Variants in RBFOX1 observed in about 807,000 individuals in gnomAD.
RBFOX1 encodes RNA binding fox-1 homolog 1, also known as RNA binding protein fox-1 homolog 1.
A neutral mutation model predicts 57.7 loss-of-function variants in RBFOX1; 8 were observed. That is an observed-to-expected ratio of 0.14 (90% CI 0.08 to 0.25). RBFOX1 has a LOEUF of 0.25. RBFOX1 is among the 10% of genes least tolerant of loss of function. The pLI is 1.00. For missense variants in RBFOX1, 611 were observed against 548.5 expected, an observed-to-expected ratio of 1.11 and a Z score of -1.14; for synonymous variants, 326 against 222.4, an observed-to-expected ratio of 1.47 and a Z score of -4.15.
chr16:5,807,838 C>T (rs1207698317), intron 3 of RBFOX1, among the ~76,000 whole-genome samples: 1 of 152,140 alleles, frequency 6.6e-6, no homozygotes, highest in African/African-American at 2.4e-5. Flanking sequence ...CAGGTGATGC[C>T]CACGCTGCTG....
chr16:6,292,077 TA>T (rs527944546), intron 1 of RBFOX1, among the ~76,000 whole-genome samples: 6 of 152,220 alleles, frequency 3.9e-5, no homozygotes, highest in African/African-American at 1.4e-4. Flanking sequence ...ACTTTGACTT[TA>T]AACAAGAGAA....
At chr16:6,126,842 C>T (rs2096593127) in intron 1 of RBFOX1, among the ~76,000 whole-genome samples, 2 of 152,074 alleles carry the variant, frequency 1.3e-5, no homozygotes, top group African/African-American at 4.8e-5. Flanking sequence ...AAACAATGGT[C>T]CTGCCTTCAT....
At chr16:7,028,516 G>A (rs944181172) in intron 3 of RBFOX1, among the ~76,000 whole-genome samples, 3 of 149,024 alleles carry the variant, frequency 2.0e-5, no homozygotes, top group African/African-American at 7.5e-5. Flanking sequence ...GAACCCGGGA[G>A]GCGGAGGTTG....
At chr16:5,372,342 C>T (rs1167962939) in intron 1 of RBFOX1, among the ~76,000 whole-genome samples, 10 of 152,122 alleles carry the variant, frequency 6.6e-5, no homozygotes, top group Admixed American at 4.6e-4. Flanking sequence ...TCTTTCTCCC[C>T]CAATAAAGAT....
At chr16:5,423,191 G>T (rs2151490902) in intron 1 of RBFOX1, among the ~76,000 whole-genome samples, 1 of 152,098 alleles carries the variant, frequency 6.6e-6, no homozygotes, top group South Asian at 2.1e-4. Context: ...AGTAAATAGA[G>T]TCCCATGAAT....
chr16:6,036,403 T>G (rs2095365893), intron 1 of RBFOX1, among the ~76,000 whole-genome samples: 1 of 152,020 alleles, frequency 6.6e-6, no homozygotes, highest in African/African-American at 2.4e-5. Context: ...TGTGTTTTTT[T>G]TTTGCCATTG....
rs564108934 is a variant in RBFOX1, at chr16:7,490,267, G to A, written c.28-27880G>A. ...ACTTTGTCTCTCCAAGAGCTCAGGC[G>A]TTCATAATAGATAAGTGTGCAGTTT... On this transcript the variant is annotated intron_variant, in intron 4 of 15. Coordinates refer to ENST00000550418, the MANE Select transcript of RBFOX1 (RefSeq NM_018723.4). Among the ~76,000 whole-genome samples, 6 of 152,294 alleles carry A rather than the reference G, an allele frequency of 3.9e-5. No homozygotes were observed. The East Asian group carries it at 7.7e-4, about 20-fold the overall frequency.
chr16:6,647,360 C>G (rs530381670), intron 2 of RBFOX1, among the ~76,000 whole-genome samples: 3 of 152,170 alleles, frequency 2.0e-5, no homozygotes, highest in African/African-American at 7.2e-5. Flanking sequence ...ATTCTCCTGC[C>G]TCAGCCTCCA....
intron 1 of RBFOX1, among the ~76,000 whole-genome samples, chr16:5,415,957 G>C (rs1243292972): frequency 6.6e-6 from 1 of 152,166 alleles, no homozygotes; most frequent in African/African-American, 2.4e-5. Flanking sequence ...TGGACTCAGA[G>C]ACCAATGTGG....
At chr16:6,047,152 A>G (rs903762608) in intron 1 of RBFOX1, among the ~76,000 whole-genome samples, 4 of 152,194 alleles carry the variant, frequency 2.6e-5, no homozygotes, top group African/African-American at 9.7e-5. Context: ...AATGGACTAT[A>G]AAACAAATTA....
At chr16:7,266,019 G>A (rs908047130) in intron 4 of RBFOX1, among the ~76,000 whole-genome samples, 1 of 138,064 alleles carries the variant, frequency 7.2e-6, no homozygotes, top group Non-Finnish European at 1.5e-5. Context: ...GTGTTGCCCA[G>A]GCTGGAGTGC....
At chr16:5,522,293 C>G (rs1031306027) in intron 2 of RBFOX1, among the ~76,000 whole-genome samples, 8 of 152,192 alleles carry the variant, frequency 5.3e-5, no homozygotes, top group Admixed American at 6.5e-5. Context: ...TAAAATGGGT[C>G]TCATAATAGA....
At chr16:7,076,047 T>A (rs1369486775) in intron 4 of RBFOX1, among the ~76,000 whole-genome samples, 1 of 151,252 alleles carries the variant, frequency 6.6e-6, no homozygotes, top group Non-Finnish European at 1.5e-5. Flanking sequence ...CTTTTTTTTT[T>A]TTTCTTTTTT....
At chr16:7,201,586 C>A (rs2088501634) in intron 4 of RBFOX1, among the ~76,000 whole-genome samples, 2 of 152,074 alleles carry the variant, frequency 1.3e-5, no homozygotes, top group Admixed American at 6.6e-5. Flanking sequence ...CCTCAGCCTC[C>A]CAAGTGGCTG....
At chr16:5,738,287 T>A (rs1271167419) in intron 3 of RBFOX1, among the ~76,000 whole-genome samples, 1 of 137,882 alleles carries the variant, frequency 7.3e-6, no homozygotes, top group East Asian at 2.9e-4. Flanking sequence ...ATTTAACGTC[T>A]CTATGTGTTA....
chr16:7,084,698 A>G (rs1402098677), intron 4 of RBFOX1, among the ~76,000 whole-genome samples: 1 of 152,230 alleles, frequency 6.6e-6, no homozygotes, highest in Non-Finnish European at 1.5e-5. Flanking sequence ...AAGTGAAATG[A>G]GGTTTCTCCG....
chr16:6,719,195 T>C (rs1258254400), intron 3 of RBFOX1, among the ~76,000 whole-genome samples: 1 of 152,102 alleles, frequency 6.6e-6, no homozygotes, highest in African/African-American at 2.4e-5. Flanking sequence ...TATGCAAAAA[T>C]GCTATTGACT....
At chr16:6,599,123 G>T (rs571370114) in intron 2 of RBFOX1, among the ~76,000 whole-genome samples, 1 of 152,100 alleles carries the variant, frequency 6.6e-6, no homozygotes, top group Non-Finnish European at 1.5e-5. Flanking sequence ...CACCTGATAC[G>T]GTCATTTGGC....
chr16:6,483,558 A>G (rs998545758), intron 2 of RBFOX1: 1 of 1,531,670 alleles, frequency 6.5e-7, no homozygotes, highest in Non-Finnish European at 8.7e-7. Flanking sequence ...CGGCGAGCGA[A>G]GAAGACTCTA....
Sources: allele counts gnomAD v4.1 joint callset (sites outside exome capture counted in the v4.1 genomes callset), GRCh38; gene constraint gnomAD v4.1.1; transcripts MANE v1.5; gene names NCBI Gene and HGNC (gene_info 2026-07-23, HGNC 2026-07-21).